Variants in RHOBTB1 observed in about 807,000 individuals in gnomAD.
The protein encoded by RHOBTB1 is Rho related BTB domain containing 1, also known as rho-related BTB domain-containing protein 1.
A neutral mutation model predicts 71.6 loss-of-function variants in RHOBTB1; 40 were observed. The ratio of observed to expected loss-of-function variants is 0.56; its 90% confidence interval spans 0.43 to 0.73. RHOBTB1 has a LOEUF of 0.73. Ranked by LOEUF, RHOBTB1 falls within the 30% of genes least tolerant of loss-of-function variation. The pLI is 0.00. For missense variants in RHOBTB1, 797 were observed against 894.0 expected (o/e 0.89, Z 1.38); for synonymous variants, 319 against 334.9 (o/e 0.95, Z 0.52).
At chr10:60,973,522 T>C (rs1040191803) in intron 2 of RHOBTB1, among the ~76,000 whole-genome samples, 2 of 152,082 alleles carry the variant, frequency 1.3e-5, no homozygotes, top group African/African-American at 2.4e-5. Context: ...GATTACATCA[T>C]AGAAACATCA....
At chr10:60,937,519 T>C (rs1376425327) in intron 2 of RHOBTB1, among the ~76,000 whole-genome samples, 1 of 152,200 alleles carries the variant, frequency 6.6e-6, no homozygotes, top group African/African-American at 2.4e-5. Context: ...CAAAGTTCCA[T>C]GTAGAAAACA....
chr10:60,966,328 T>C (rs186133723), intron 2 of RHOBTB1, among the ~76,000 whole-genome samples: 1 of 151,976 alleles, frequency 6.6e-6, no homozygotes, highest in East Asian at 1.9e-4. Context: ...CAAAAGTTAC[T>C]TTAAAATAGC....
chr10:60,900,679 T>A (rs1226052655), intron 4 of RHOBTB1, among the ~76,000 whole-genome samples: 1 of 152,188 alleles, frequency 6.6e-6, no homozygotes, highest in African/African-American at 2.4e-5. Context: ...AACCTGCATA[T>A]ACAAATGTGT....
chr10:60,987,038 T>C (rs1190242674), intron 1 of RHOBTB1, among the ~76,000 whole-genome samples: 1 of 152,134 alleles, frequency 6.6e-6, no homozygotes, highest in Non-Finnish European at 1.5e-5. Flanking sequence ...TGGACCCAGA[T>C]GTGAGACAAA....
chr10:60,895,467 T>C (rs10994562), intron 4 of RHOBTB1, among the ~76,000 whole-genome samples: 54,879 of 152,098 alleles, frequency 0.36, 10,780 homozygotes, highest in East Asian at 0.58. Context: ...TGCACTGGCA[T>C]GATCTCAGCT....
upstream of RHOBTB1, among the ~76,000 whole-genome samples, chr10:60,948,681 G>A (rs181239924): frequency 2.0e-5 from 3 of 152,334 alleles, no homozygotes; most frequent in African/African-American, 2.4e-5. Flanking sequence ...TTTGAAGCAC[G>A]AAAGAGAATA....
intron 2 of RHOBTB1, among the ~76,000 whole-genome samples, chr10:60,953,044 A>G (rs1190234418): frequency 2.0e-5 from 3 of 152,184 alleles, no homozygotes; most frequent in Non-Finnish European, 4.4e-5. Flanking sequence ...GCAGGATACT[A>G]CAGTGATTGT....
At chr10:60,862,633 C>CT in the RHOBTB1 span, among the ~76,000 whole-genome samples, 3 of 144,892 alleles carry the variant, frequency 2.1e-5, no homozygotes, top group Non-Finnish European at 4.5e-5. Context: ...CCTTCCTTCT[C>CT]TTTTTCCTTT....
At chr10:60,894,551 T>C (rs1018181191) in intron 4 of RHOBTB1, among the ~76,000 whole-genome samples, 5 of 152,190 alleles carry the variant, frequency 3.3e-5, no homozygotes, top group Non-Finnish European at 5.9e-5. Context: ...AATAACAGTA[T>C]CCAGTAAAGC....
At chr10:60,992,451 G>A (rs2086901403) in intron 1 of RHOBTB1, among the ~76,000 whole-genome samples, 1 of 152,180 alleles carries the variant, frequency 6.6e-6, no homozygotes, top group African/African-American at 2.4e-5. Context: ...GGGACACAAA[G>A]GAGAGAAGAT....
At chr10:60,976,566 A>G (rs956793937) in intron 2 of RHOBTB1, among the ~76,000 whole-genome samples, 1 of 151,954 alleles carries the variant, frequency 6.6e-6, no homozygotes, top group Non-Finnish European at 1.5e-5. Flanking sequence ...CCTCTGTAGT[A>G]ATGCCCCTTG....
intron 2 of RHOBTB1, among the ~76,000 whole-genome samples, chr10:60,980,443 T>C (rs1028840214): frequency 6.6e-6 from 1 of 152,192 alleles, no homozygotes; most frequent in Non-Finnish European, 1.5e-5. Context: ...ATGTCCCTCC[T>C]TAACATTGTC....
chr10:60,911,628 G>A (rs953855458), intron 2 of RHOBTB1, 76 bp from the exon 3 acceptor site: 2 of 1,256,164 alleles, frequency 1.6e-6, no homozygotes, highest in African/African-American at 3.0e-5. Flanking sequence ...GAGGTTCAGG[G>A]AGTTTTGCCT....
At chr10:60,862,761 TTC>T in the RHOBTB1 span, among the ~76,000 whole-genome samples, 45 of 149,360 alleles carry the variant, frequency 3.0e-4, no homozygotes, top group African/African-American at 1.0e-3. Flanking sequence ...CCTTCCTTCC[TTC>T]TTTTTCCTCT....
rs1452182990 is a variant in RHOBTB1, at chr10:60,872,274, T to C, written c.1832A>G (p.Gln611Arg). Reference protein sequence around the residue: ...LELAQFHNAHQLAAWCLHHIC... With the variant: ...LELAQFHNAHRLAAWCLHHIC... Reference sequence around the variant, plus strand: ...GTGGTGCAAACACCAGGCGGCCAACTGGTGGGCATTGTGAAACTGCAGAAA... The same window carrying C: ...GTGGTGCAAACACCAGGCGGCCAACCGGTGGGCATTGTGAAACTGCAGAAA... The change falls in exon 10 of 11, where the codon CAG (glutamine) becomes CGG (arginine). Residue 611 changes from glutamine (Q) to arginine (R), a missense_variant. This residue lies in a region of RHOBTB1 where 658 missense variants were observed against 681.5 expected (regional missense o/e 0.97). Coordinates refer to ENST00000337910, the MANE Select transcript of RHOBTB1 (RefSeq NM_014836.5). 1 of 1,613,858 alleles carries C rather than the reference T, an allele frequency of 6.2e-7. No homozygotes were observed. Among genetic ancestry groups the C allele is most frequent in the Non-Finnish European group, 8.5e-7 (1 of 1,179,876 alleles).
intron 7 of RHOBTB1, among the ~76,000 whole-genome samples, chr10:60,880,214 A>T (rs867890988): frequency 0.24 from 29,732 of 125,332 alleles, 3,161 homozygotes; most frequent in African/African-American, 0.3. Context: ...AGAGAGAGAG[A>T]GAGAGAGAGA....
intron 2 of RHOBTB1, among the ~76,000 whole-genome samples, chr10:60,924,171 A>G (rs2083728012): frequency 6.6e-6 from 1 of 152,182 alleles, no homozygotes; most frequent in Non-Finnish European, 1.5e-5. Flanking sequence ...ATCCCATTGT[A>G]TCTTATCAAA....
At chr10:60,915,620 A>G (rs965423544) in intron 2 of RHOBTB1, among the ~76,000 whole-genome samples, 2 of 152,206 alleles carry the variant, frequency 1.3e-5, no homozygotes, top group African/African-American at 2.4e-5. Context: ...AAATTGTTAA[A>G]TAAACAAGAC....
chr10:60,940,662 G>T (rs551797131), intron 2 of RHOBTB1, among the ~76,000 whole-genome samples: 73 of 152,120 alleles, frequency 4.8e-4, no homozygotes, highest in Non-Finnish European at 7.6e-4. Context: ...GCAATTTAGC[G>T]GTTCTGGATG....
Sources: gnomAD v4.1 joint callset for allele counts (sites outside exome capture counted in the v4.1 genomes callset) on GRCh38, gnomAD v4.1.1 for gene constraint, gnomAD v4.1.1 regional missense constraint, MANE v1.5 for transcripts, NCBI Gene and HGNC (gene_info 2026-07-23, HGNC 2026-07-21) for gene names.